Variants in ZDHHC15 observed in about 807,000 individuals in gnomAD.
ZDHHC15 encodes palmitoyltransferase ZDHHC15.
A neutral mutation model predicts 31.7 loss-of-function variants in ZDHHC15; 19 were observed. That is an observed-to-expected ratio of 0.60 (90% confidence interval 0.42 to 0.88). ZDHHC15 has a LOEUF of 0.88. Among genes scored for constraint, ZDHHC15 ranks in the 40% least tolerant of loss-of-function variants. ZDHHC15 has a pLI of 0.00. For synonymous variants in ZDHHC15, 103 were observed against 90.0 expected (o/e 1.14, Z -0.82); for missense variants, 209 against 251.2 (o/e 0.83, Z 1.14).
At chrX:75,456,017 G>T (rs900908212) in intron 3 of ZDHHC15, among the ~76,000 whole-genome samples, 22 of 111,106 alleles carry the variant, frequency 2.0e-4, no homozygotes, top group East Asian at 2.8e-4. Flanking sequence ...ATACCCAAAG[G>T]TTTATAAATC....
chrX:75,446,925 GA>G (rs889459574), intron 4 of ZDHHC15, among the ~76,000 whole-genome samples: 6 of 111,706 alleles, frequency 5.4e-5, no homozygotes, highest in Non-Finnish European at 1.1e-4. Flanking sequence ...ACAAACATTT[GA>G]AAAATAGCAC....
At chrX:75,494,523 C>G (rs2084956698) in intron 2 of ZDHHC15, among the ~76,000 whole-genome samples, 1 of 111,834 alleles carries the variant, frequency 8.9e-6, no homozygotes, top group Non-Finnish European at 1.9e-5. Flanking sequence ...TGCTACCTGA[C>G]TTCAAACTAT....
chrX:75,468,290 C>A (rs1046036028), intron 3 of ZDHHC15, among the ~76,000 whole-genome samples: 2 of 111,285 alleles, frequency 1.8e-5, no homozygotes, highest in African/African-American at 6.6e-5. Context: ...GGTGATCCGC[C>A]TGCCTCGGCC....
chrX:75,427,273 GAGCTAGC>G (rs1254667343), intron 7 of ZDHHC15, among the ~76,000 whole-genome samples: 2 of 80,495 alleles, frequency 2.5e-5, no homozygotes, highest in Non-Finnish European at 5.2e-5. Flanking sequence ...TGTGAGGCAT[GAGCTAGC>G]CTACTGTGGA....
At chrX:75,507,443 T>C (rs1372552126) in intron 1 of ZDHHC15, among the ~76,000 whole-genome samples, 1 of 111,420 alleles carries the variant, frequency 9.0e-6, no homozygotes, top group Non-Finnish European at 1.9e-5. Context: ...GTGGCACTTA[T>C]CTTGGTACTT....
At chrX:75,438,516 C>G (rs1437151731) in intron 4 of ZDHHC15, among the ~76,000 whole-genome samples, 3 of 110,619 alleles carry the variant, frequency 2.7e-5, no homozygotes, top group Non-Finnish European at 5.7e-5. Flanking sequence ...CATTGAATAC[C>G]TTTTTTCACT....
intron 4 of ZDHHC15, among the ~76,000 whole-genome samples, chrX:75,436,785 G>A (rs1273030003): frequency 2.7e-5 from 3 of 112,821 alleles, no homozygotes; most frequent in Non-Finnish European, 3.7e-5. Flanking sequence ...TGTTCCATGT[G>A]CTAATGAATA....
rs745670824 is a variant in ZDHHC15, at chrX:75,372,197, A to T, written c.*781T>A. The T allele has an allele frequency of 2.7e-5, 3 of 112,283 alleles. No homozygotes were observed. The South Asian group carries it at 1.1e-3, about 41-fold the overall frequency. 9.3% of individuals were successfully genotyped at this position (112,283 alleles called of 1,213,427 possible). A position where few individuals can be genotyped will look rare whatever the true frequency, so the allele number is the denominator to read the frequency against. On this transcript the variant is annotated 3_prime_UTR_variant, in exon 12 of 12. Transcript: ENST00000373367. ...TTGGAGAATTTTACTGCACCCTGACAAAAAAGTCTTTAAAAAACACTGGTT... is the reference window on the plus strand; with the variant it reads ...TTGGAGAATTTTACTGCACCCTGACTAAAAAGTCTTTAAAAAACACTGGTT...
intron 4 of ZDHHC15, among the ~76,000 whole-genome samples, chrX:75,447,774 C>T (rs2084054392): frequency 9.0e-6 from 1 of 111,211 alleles, no homozygotes; most frequent in Non-Finnish European, 1.9e-5. Flanking sequence ...AGGTGTTAGT[C>T]CCAGAGGGAG....
chrX:75,482,687 G>A (rs775021288), intron 2 of ZDHHC15, among the ~76,000 whole-genome samples: 1 of 111,407 alleles, frequency 9.0e-6, no homozygotes, highest in African/African-American at 3.3e-5. Context: ...GTTTCAAAGA[G>A]CTTTCTAGTA....
At chrX:75,411,848 G>A (rs185972261) in intron 10 of ZDHHC15, among the ~76,000 whole-genome samples, 1 of 111,914 alleles carries the variant, frequency 8.9e-6, no homozygotes, top group East Asian at 2.8e-4. Flanking sequence ...CTTACAGAAT[G>A]AGACAAAATA....
At chrX:75,478,291 A>G (rs1367322086) in intron 3 of ZDHHC15, among the ~76,000 whole-genome samples, 1 of 111,971 alleles carries the variant, frequency 8.9e-6, no homozygotes, top group Admixed American at 9.5e-5. Context: ...TGGTACTAAA[A>G]TAGTAGTTTC....
intron 4 of ZDHHC15, among the ~76,000 whole-genome samples, chrX:75,445,594 T>C (rs1171776457): frequency 2.7e-5 from 3 of 111,959 alleles, no homozygotes; most frequent in African/African-American, 9.7e-5. Context: ...CTAAAGGAGA[T>C]GCTTATTGCA....
In ZDHHC15 at chrX:75,389,405, C is replaced by T. The variant is rs188057596; in HGVS notation, c.968-10207G>A. On this transcript the variant is annotated intron_variant, in intron 10 of 11. Coordinates refer to ENST00000373367, the MANE Select transcript of ZDHHC15 (RefSeq NM_144969.3). ...GGTCAAGGGATTGCTTGTGTAACCC[C>T]TCCCACAACGTCAGGCAGTGCAGCT... Among the ~76,000 whole-genome samples, 4 of 109,726 alleles carry T rather than the reference C, an allele frequency of 3.6e-5. No homozygotes were observed. The East Asian group carries it at 1.2e-3, about 32-fold the overall frequency.
At chrX:75,452,302 C>G (rs1188283783) in intron 3 of ZDHHC15, among the ~76,000 whole-genome samples, 4 of 109,616 alleles carry the variant, frequency 3.6e-5, no homozygotes, top group African/African-American at 1.3e-4. Flanking sequence ...AAGGCCATTA[C>G]ATAATGGTAA....
At chrX:75,402,487 G>C (rs2083368126) in intron 10 of ZDHHC15, among the ~76,000 whole-genome samples, 1 of 110,385 alleles carries the variant, frequency 9.1e-6, no homozygotes, top group Non-Finnish European at 1.9e-5. Context: ...AAAATGGATA[G>C]GCCACTAGCT....
At chrX:75,495,893 G>A (rs1379689931) in intron 2 of ZDHHC15, among the ~76,000 whole-genome samples, 1 of 105,664 alleles carries the variant, frequency 9.5e-6, no homozygotes, top group African/African-American at 3.5e-5. Context: ...TAACTAACCT[G>A]CACATTGTGC....
intron 3 of ZDHHC15, among the ~76,000 whole-genome samples, chrX:75,474,717 C>T (rs1359368455): frequency 9.2e-6 from 1 of 108,668 alleles, no homozygotes; most frequent in African/African-American, 3.3e-5. Flanking sequence ...CTGATCTGCA[C>T]ATATAACCCT....
chrX:75,430,445 A>C (rs1228734594), intron 5 of ZDHHC15, among the ~76,000 whole-genome samples: 1 of 111,906 alleles, frequency 8.9e-6, no homozygotes, highest in Non-Finnish European at 1.9e-5. Flanking sequence ...CAATTTGGGC[A>C]ACAAAAAAGT....
Sources: gnomAD v4.1 joint callset for allele counts (sites outside exome capture counted in the v4.1 genomes callset) on GRCh38, gnomAD v4.1.1 for gene constraint, MANE v1.5 for transcripts, NCBI Gene and HGNC (gene_info 2026-07-23, HGNC 2026-07-21) for gene names.